The following GPN3 variants were observed in gnomAD, a reference collection of about 807,000 sequenced individuals.
GPN3 encodes GPN-loop GTPase 3, also known as ATP-binding domain 1 family member C.
Under a neutral mutation model 38.7 loss-of-function variants are expected in GPN3, and 31 were observed. The ratio of observed to expected loss-of-function variants is 0.80; its 90% CI spans 0.60 to 1.08. The LOEUF is 1.08. Ranked by LOEUF, GPN3 falls within the 50% of genes least tolerant of loss-of-function variation. The pLI is 0.00. For missense variants in GPN3, 301 were observed against 354.4 expected (o/e 0.85, Z 1.21); for synonymous variants, 116 against 120.2 (o/e 0.96, Z 0.23).
chr12:110,458,548 A>AG lies in GPN3; in HGVS notation c.326-915dup, dbSNP rs2062565654. The stretch of plus-strand genomic sequence containing the variant: ...AGTAATCCCAGCATTTGGGAGGCCG[A>AG]GGCAGGTGAATCACCTAAGGTCCAG... On this transcript the variant is annotated intron_variant, in intron 3 of 7. Coordinates refer to ENST00000228827, the MANE Select transcript of GPN3 (RefSeq NM_016301.4). The surrounding 1 kb of genome is among the most constrained non-coding windows in gnomAD (Gnocchi z 4.4). Among the ~76,000 whole-genome samples the AG allele has an allele frequency of 6.6e-6, 1 of 152,110 alleles. No individual in the cohort carries two copies. Among genetic ancestry groups the AG allele is most frequent in the African/African-American group, 2.4e-5 (1 of 41,416 alleles).
chr12:110,458,537 T>C lies in GPN3; in HGVS notation c.326-903A>G, dbSNP rs535869789. ...TGGCTCACACCAGTAATCCCAGCATTTGGGAGGCCGAGGCAGGTGAATCAC... is the reference window on the plus strand; with the variant it reads ...TGGCTCACACCAGTAATCCCAGCATCTGGGAGGCCGAGGCAGGTGAATCAC... On this transcript the variant is annotated intron_variant, in intron 3 of 7. Coordinates refer to ENST00000228827, the MANE Select transcript of GPN3 (RefSeq NM_016301.4). The surrounding 1 kb of genome is among the most constrained non-coding windows in gnomAD (Gnocchi z 4.4). Among the ~76,000 whole-genome samples the C allele has an allele frequency of 2.6e-5, 4 of 152,198 alleles. 1 individual carries two copies. In the South Asian group the frequency reaches 6.2e-4, roughly 24 times the overall value.
chr12:110,461,162 A>G, intron 2 of GPN3: 1 of 1,299,316 alleles, frequency 7.7e-7, no homozygotes, highest in Non-Finnish European at 1.1e-6. Flanking sequence ...GGAGATGGGA[A>G]CTCCAGATGT....
At position 110,455,841 on chromosome 12, in the gene GPN3, A is replaced by G. The variant is rs1386467969; in HGVS notation, c.540T>C (p.Ser180=). 6.3e-7 allele frequency: 1 copy of G among 1,596,204 alleles called. No homozygotes were observed. Among genetic ancestry groups the G allele is most frequent in the Non-Finnish European group, 8.6e-7 (1 of 1,163,858 alleles). The part of the protein sequence containing the change: ...VNIMTKMDLL[S]KKAKKEIEKF... ...TCTCAATTTCCTTTTTTGCTTTTTT[A>G]CTCAGCAGATCCATTTTTGTCATGA... is the stretch of plus-strand genomic sequence containing the variant. Residue 180 remains serine, a synonymous_variant, in exon 5 of 8, where the codon AGT becomes AGC. Transcript: ENST00000228827.
intron 2 of GPN3, among the ~76,000 whole-genome samples, chr12:110,462,266 A>C (rs887829927): frequency 6.6e-6 from 1 of 152,008 alleles, no homozygotes; most frequent in Non-Finnish European, 1.5e-5. Flanking sequence ...CTCTCCCTTC[A>C]ATCTGCCTCC....
chr12:110,461,014 G>C, intron 2 of GPN3: 1 of 1,575,864 alleles, frequency 6.3e-7, no homozygotes, highest in South Asian at 1.1e-5. Context: ...AGGGTGGCGA[G>C]AAGAAAAAGG....
intron 3 of GPN3, 42 bp downstream of exon 3, chr12:110,459,653 C>T: frequency 7.3e-7 from 1 of 1,376,388 alleles, no homozygotes; most frequent in African/African-American, 1.4e-5. Flanking sequence ...ATGGAACTAT[C>T]AAGACTTTAA....
intron 3 of GPN3, 134 bp downstream of exon 3, chr12:110,459,561 T>C: frequency 2.9e-6 from 2 of 696,118 alleles, no homozygotes; most frequent in Non-Finnish European, 5.1e-6. Context: ...ACTTAGTAAG[T>C]GACAGCCATT....
In GPN3 at chr12:110,452,863, C is replaced by T. The variant is rs899107248; in HGVS notation, c.*171G>A. On this transcript the variant is annotated 3_prime_UTR_variant, in exon 8 of 8. Transcript: ENST00000228827. Reference sequence around the variant, plus strand: ...TACTAAAAGATTCCACTTTAAACAGCAGCAGTTTCAGAATAATTAAAAATT... The same window carrying T: ...TACTAAAAGATTCCACTTTAAACAGTAGCAGTTTCAGAATAATTAAAAATT... The T allele has an allele frequency of 6.7e-5, 40 of 597,058 alleles. No individual in the cohort carries two copies. The highest frequency in any genetic ancestry group is 1.1e-4 in the Non-Finnish European group (35 of 331,084). 37.0% of individuals were successfully genotyped at this position (597,058 alleles called of 1,614,324 possible). A position where few individuals can be genotyped will look rare whatever the true frequency, so the allele number is the denominator to read the frequency against.
intron 2 of GPN3, chr12:110,461,104 G>C (rs900954207): frequency 7.1e-7 from 1 of 1,407,606 alleles, no homozygotes; most frequent in African/African-American, 1.4e-5. Context: ...TGGGCTTCAA[G>C]AAGCGTGCCC....
intron 6 of GPN3, among the ~76,000 whole-genome samples, chr12:110,454,653 G>A (rs182444011): frequency 7.5e-4 from 113 of 151,230 alleles, no homozygotes; most frequent in Non-Finnish European, 9.7e-4. Flanking sequence ...CACACCTGGC[G>A]CCCTTTTTGT....
rs778431978 is a variant in GPN3, at chr12:110,468,217, G to A, written c.-14C>T. 5.1e-6 allele frequency: 8 copies of A among 1,578,738 alleles called. No individual in the cohort carries two copies. The highest frequency in any genetic ancestry group is 1.7e-5 in the Admixed American group (1 of 58,442). On this transcript the variant is annotated 5_prime_UTR_variant, in exon 1 of 8. Transcript: ENST00000228827. ...ATACCGAGGCATGTTGGCTCCCGGA[G>A]CCGCCCGCCACACTCCCTTAGCCTT... is the stretch of plus-strand genomic sequence containing the variant.
intron 2 of GPN3, chr12:110,461,353 G>A (rs2062588155): frequency 1.4e-6 from 1 of 693,922 alleles, no homozygotes; most frequent in South Asian, 1.4e-5. Context: ...CAATGTCGAT[G>A]AGAACTAATC....
chr12:110,466,769 T>C (rs1400622429), intron 1 of GPN3, among the ~76,000 whole-genome samples: 1 of 152,144 alleles, frequency 6.6e-6, no homozygotes, highest in Non-Finnish European at 1.5e-5. Context: ...GTGCGAGGAT[T>C]ACAGGCTTAA....
intron 2 of GPN3, among the ~76,000 whole-genome samples, chr12:110,464,410 T>G (rs1277704470): frequency 2.0e-5 from 3 of 151,968 alleles, no homozygotes; most frequent in African/African-American, 7.3e-5. Flanking sequence ...CTGCTATAAC[T>G]CCGGTGTCTG....
chr12:110,452,933 T>C lies in GPN3; in HGVS notation c.*101A>G, dbSNP rs541477114. On this transcript the variant is annotated 3_prime_UTR_variant, in exon 8 of 8. Coordinates refer to ENST00000228827, the MANE Select transcript of GPN3 (RefSeq NM_016301.4). Reference sequence around the variant, plus strand: ...ATAAAGAACGAAGTTTTACTTTTTTTCATTAAAATAAGTAGCTTTCTACTA... The same window carrying C: ...ATAAAGAACGAAGTTTTACTTTTTTCCATTAAAATAAGTAGCTTTCTACTA... 2.7e-6 allele frequency: 2 copies of C among 730,340 alleles called. No homozygotes were observed. Among genetic ancestry groups the C allele is most frequent in the Admixed American group, 2.0e-5 (1 of 49,306 alleles). 45.2% of individuals were successfully genotyped at this position (730,340 alleles called of 1,614,324 possible). A position where few individuals can be genotyped will look rare whatever the true frequency, so the allele number is the denominator to read the frequency against.
chr12:110,462,787 C>CAG (rs569296938), intron 2 of GPN3, among the ~76,000 whole-genome samples: 431 of 151,256 alleles, frequency 2.8e-3, no homozygotes, highest in Middle Eastern at 0.017. Flanking sequence ...GACGGAGTCT[C>CAG]GCTCTGTTGC....
chr12:110,468,587 TG>T, upstream of GPN3: 1 of 1,537,212 alleles, frequency 6.5e-7, no homozygotes, highest in African/African-American at 1.4e-5. Flanking sequence ...GCAAATGTGC[TG>T]AGGATCTGGA....
intron 2 of GPN3, among the ~76,000 whole-genome samples, chr12:110,462,653 T>C (rs2062597536): frequency 6.6e-6 from 1 of 152,188 alleles, no homozygotes; most frequent in African/African-American, 2.4e-5. Context: ...AATGGTACGA[T>C]CTCGGCTCAC....
chr12:110,461,661 T>C (rs972523214), intron 2 of GPN3, among the ~76,000 whole-genome samples: 1 of 152,090 alleles, frequency 6.6e-6, no homozygotes, highest in Non-Finnish European at 1.5e-5. Context: ...CTTACTAATT[T>C]TGGGGAATCA....
Sources: gnomAD v4.1 joint callset for allele counts (sites outside exome capture counted in the v4.1 genomes callset) on GRCh38, gnomAD v4.1.1 for gene constraint, Gnocchi (gnomAD v3.1) non-coding constraint, MANE v1.5 for transcripts, NCBI Gene and HGNC (gene_info 2026-07-23, HGNC 2026-07-21) for gene names.